BBX: variants seen among roughly 807,000 people sequenced by gnomAD.
BBX encodes the protein HMG box transcription factor BBX.
In BBX, 30 loss-of-function variants were observed where a neutral mutation model predicts 100.2. The observed-to-expected ratio is 0.30, with a 90% confidence interval of 0.22 to 0.41. The LOEUF is 0.41. BBX is among the 10% of genes least tolerant of loss of function. BBX has a pLI of 1.00. For synonymous variants in BBX, 376 were observed against 388.1 expected (o/e 0.97, Z 0.37); for missense variants, 1,023 against 1,129.8 (o/e 0.91, Z 1.35).
intron 2 of BBX, among the ~76,000 whole-genome samples, chr3:107,641,572 T>A (rs1474176325): frequency 1.3e-5 from 2 of 152,234 alleles, no homozygotes; most frequent in Non-Finnish European, 2.9e-5. Context: ...GACAAATCTG[T>A]AATTACTTAG....
Position 107,748,003 on chromosome 3 carries a change from G to A in BBX, c.789G>A (p.Lys263=), listed in dbSNP as rs746234630. 1 of 1,613,564 alleles carries A rather than the reference G, an allele frequency of 6.2e-7. No homozygotes were observed. The highest frequency in any genetic ancestry group is 8.5e-7 in the Non-Finnish European group (1 of 1,179,718). ...CGTCCCACTCTGATGCTTCTACAAA[G>A]CAGTGTCAAACATCTGCCTTGTTTC... ...SSTSHSDAST[K]QCQTSALFQF... Residue 263 remains lysine, a synonymous_variant, in exon 9 of 18, where the codon AAG becomes AAA. Coordinates refer to ENST00000325805, the MANE Select transcript of BBX (RefSeq NM_001142568.3).
intron 2 of BBX, among the ~76,000 whole-genome samples, chr3:107,547,497 T>C (rs1056236672): frequency 2.0e-5 from 3 of 152,166 alleles, no homozygotes; most frequent in Admixed American, 2.0e-4. Flanking sequence ...CATACGACTT[T>C]AAGATCTGAT....
At chr3:107,697,854 G>A (rs942107812) in intron 3 of BBX, among the ~76,000 whole-genome samples, 12 of 151,732 alleles carry the variant, frequency 7.9e-5, no homozygotes, top group Non-Finnish European at 1.3e-4. Flanking sequence ...GGGAGACTCC[G>A]TGGGCGTACG....
chr3:107,684,195 TCTAA>T (rs1330589133), intron 3 of BBX, among the ~76,000 whole-genome samples: 7 of 152,212 alleles, frequency 4.6e-5, no homozygotes, highest in East Asian at 1.9e-4. Flanking sequence ...ATTTATCTTC[TCTAA>T]CTGTTTAACA....
chr3:107,802,622 C>G (rs568195532), intron 17 of BBX, among the ~76,000 whole-genome samples: 1 of 152,328 alleles, frequency 6.6e-6, no homozygotes, highest in African/African-American at 2.4e-5. Flanking sequence ...GATAATAATT[C>G]AAGGGTAGGA....
chr3:107,645,688 G>A (rs924790341), intron 2 of BBX, 148 bp from the exon 3 acceptor site: 1 of 152,290 alleles, frequency 6.6e-6, no homozygotes, highest in Non-Finnish European at 1.5e-5. Context: ...ACTAGCATTG[G>A]CATAAGGATA....
chr3:107,784,652 G>T (rs1225662330), intron 13 of BBX, among the ~76,000 whole-genome samples: 1 of 151,782 alleles, frequency 6.6e-6, no homozygotes, highest in Admixed American at 6.6e-5. Flanking sequence ...TGCATCTAAA[G>T]CAAACTTAGA....
At chr3:107,778,823 T>A (rs1576766205) in intron 13 of BBX, among the ~76,000 whole-genome samples, 1 of 151,642 alleles carries the variant, frequency 6.6e-6, no homozygotes, top group East Asian at 1.9e-4. Context: ...ATGTTAACCT[T>A]TTCTTGAACA....
At chr3:107,677,021 G>T (rs2059316137) in intron 3 of BBX, among the ~76,000 whole-genome samples, 1 of 151,900 alleles carries the variant, frequency 6.6e-6, no homozygotes, top group African/African-American at 2.4e-5. Context: ...TGAATATATG[G>T]ATTCATATAT....
intron 3 of BBX, among the ~76,000 whole-genome samples, chr3:107,706,006 A>G (rs1205285312): frequency 6.8e-6 from 1 of 147,046 alleles, no homozygotes; most frequent in Non-Finnish European, 1.5e-5. Flanking sequence ...AACGTCCTTC[A>G]TGAATGAGCT....
chr3:107,787,862 A>G (rs1254713602), intron 13 of BBX, among the ~76,000 whole-genome samples: 5 of 152,174 alleles, frequency 3.3e-5, no homozygotes, highest in Non-Finnish European at 7.3e-5. Context: ...AGGCAAGGTA[A>G]TGGCTGGTTC....
At chr3:107,760,716 AC>A (rs917901626) in intron 10 of BBX, among the ~76,000 whole-genome samples, 30 of 4,016 alleles carry the variant, frequency 7.5e-3, no homozygotes, top group Non-Finnish European at 0.052. Flanking sequence ...AGGGGAAAAA[AC>A]TGATGATGGT....
chr3:107,810,448 G>T lies in BBX; in HGVS notation c.*4991G>T, dbSNP rs564409162. ...TTCCTGATAACTTGGGCCAGAGGTG[G>T]TTACTGAGTAACAAGGATCTAATTC... On this transcript the variant is annotated 3_prime_UTR_variant, in exon 18 of 18. Coordinates refer to ENST00000325805, the MANE Select transcript of BBX (RefSeq NM_001142568.3). 2.0e-5 allele frequency: 3 copies of T among 152,154 alleles called. No homozygotes were observed. The highest frequency in any genetic ancestry group is 4.4e-5 in the Non-Finnish European group (3 of 68,040). 9.4% of individuals were successfully genotyped at this position (152,154 alleles called of 1,614,324 possible).
intron 2 of BBX, among the ~76,000 whole-genome samples, chr3:107,631,729 A>G (rs947600311): frequency 2.0e-5 from 3 of 152,220 alleles, no homozygotes; most frequent in South Asian, 2.1e-4. Flanking sequence ...GTTCCAGGTC[A>G]ATTTTCCTTA....
intron 13 of BBX, among the ~76,000 whole-genome samples, chr3:107,789,472 T>C (rs1184138003): frequency 6.6e-6 from 1 of 152,216 alleles, no homozygotes; most frequent in African/African-American, 2.4e-5. Context: ...TTTTCTCTAT[T>C]ACAGACTCTA....
chr3:107,583,933 ATATATTATATATATTAT>A (rs1347779763), intron 2 of BBX, among the ~76,000 whole-genome samples: 1 of 102,326 alleles, frequency 9.8e-6, no homozygotes, highest in South Asian at 2.4e-4. Flanking sequence ...TATATAATAT[ATATATTATATATATTAT>A]TATATTATAT....
chr3:107,743,918 G>GTTTTTTTTTTTTTTTTTTTTTTTTTTTGT (rs34762783), intron 7 of BBX, among the ~76,000 whole-genome samples: 1 of 56,622 alleles, frequency 1.8e-5, no homozygotes. Flanking sequence ...TGTTTTAGTG[G>GTTTTTTTTTTTTTTTTTTTTTTTTTTTGT]TTTTTTTTTT....
intron 3 of BBX, among the ~76,000 whole-genome samples, chr3:107,646,867 A>G (rs1274477794): frequency 6.6e-6 from 1 of 152,138 alleles, no homozygotes; most frequent in Non-Finnish European, 1.5e-5. Flanking sequence ...TGGTAACTAT[A>G]TCACTGAATA....
intron 2 of BBX, among the ~76,000 whole-genome samples, chr3:107,584,970 C>T (rs974201022): frequency 6.6e-6 from 1 of 151,926 alleles, no homozygotes; most frequent in African/African-American, 2.4e-5. Context: ...AGCCACCACC[C>T]CCGGCCTCAG....
Sources: gnomAD v4.1 joint callset for allele counts (sites outside exome capture counted in the v4.1 genomes callset) on GRCh38, gnomAD v4.1.1 for gene constraint, MANE v1.5 for transcripts, NCBI Gene and HGNC (gene_info 2026-07-23, HGNC 2026-07-21) for gene names.